LARP4: variants seen among roughly 807,000 people sequenced by gnomAD.
The protein encoded by LARP4 is La ribonucleoprotein 4, also known as la-related protein 4.
A neutral mutation model predicts 92.9 loss-of-function variants in LARP4; 29 were observed. The ratio of observed to expected loss-of-function variants is 0.31; its 90% confidence interval spans 0.23 to 0.43. The LOEUF is 0.43. LARP4 is among the 20% of genes least tolerant of loss of function. LARP4 has a pLI of 1.00. For synonymous variants in LARP4, 279 were observed against 284.1 expected, an observed-to-expected ratio of 0.98 and a Z score of 0.18; for missense variants, 732 against 860.0, an observed-to-expected ratio of 0.85 and a Z score of 1.86.
At chr12:50,467,144 T>C (rs1956249367) in intron 13 of LARP4, 24 bp downstream of exon 13, 2 of 1,565,244 alleles carry the variant, frequency 1.3e-6, no homozygotes. Flanking sequence ...ATCTGAGTCT[T>C]ACCTTATGAG....
At chr12:50,435,389 A>C (rs1341893230) in intron 4 of LARP4, 99 bp from the exon 5 acceptor site, 9 of 721,012 alleles carry the variant, frequency 1.2e-5, no homozygotes, top group Non-Finnish European at 1.9e-5. Context: ...GAATAATCTT[A>C]TTTCCATGCA....
At position 50,477,543 on chromosome 12, in the gene LARP4, C is replaced by T. The variant is rs997986986; in HGVS notation, c.*1679C>T. ...AAAATTACATTACTGTGAAATTCAT[C>T]TTCCAACTCTAAGTTAAGCTTTGGA... On this transcript the variant is annotated 3_prime_UTR_variant, in exon 16 of 16. Transcript: ENST00000398473. 2.6e-5 allele frequency: 4 copies of T among 152,534 alleles called. No individual in the cohort carries two copies. Among genetic ancestry groups the T allele is most frequent in the African/African-American group, 9.7e-5 (4 of 41,450 alleles). 9.4% of individuals were successfully genotyped at this position (152,534 alleles called of 1,614,324 possible). A position where few individuals can be genotyped will look rare whatever the true frequency, so the allele number is the denominator to read the frequency against.
intron 8 of LARP4, among the ~76,000 whole-genome samples, chr12:50,447,944 GGCAACCTCT>G (rs1310020230): frequency 6.6e-6 from 1 of 151,912 alleles, no homozygotes; most frequent in African/African-American, 2.4e-5. Context: ...CTCAGCACAT[GGCAACCTCT>G]GCCTCCCAGG....
At chr12:50,464,490 C>T (rs1955878901) in intron 12 of LARP4, among the ~76,000 whole-genome samples, 1 of 152,228 alleles carries the variant, frequency 6.6e-6, no homozygotes, top group Non-Finnish European at 1.5e-5. Flanking sequence ...CTCCCGGGTT[C>T]AAGCAGTTCT....
chr12:50,460,843 T>C (rs964615104), intron 10 of LARP4, among the ~76,000 whole-genome samples: 3 of 152,106 alleles, frequency 2.0e-5, no homozygotes, highest in Non-Finnish European at 4.4e-5. Context: ...CTTGGGAGGC[T>C]GAGGCAGGAG....
At chr12:50,465,739 T>C (rs959049682) in intron 12 of LARP4, among the ~76,000 whole-genome samples, 12 of 152,214 alleles carry the variant, frequency 7.9e-5, no homozygotes, top group African/African-American at 1.2e-4. Context: ...ACAAATGTTA[T>C]CTCGGTTGTA....
At chr12:50,417,300 A>G (rs769879973) in intron 1 of LARP4, among the ~76,000 whole-genome samples, 3 of 151,616 alleles carry the variant, frequency 2.0e-5, no homozygotes, top group Middle Eastern at 3.4e-3. Context: ...GCTTGAACCC[A>G]GGAGACAGAG....
intron 1 of LARP4, among the ~76,000 whole-genome samples, chr12:50,401,665 A>C (rs1382108736): frequency 6.6e-6 from 1 of 152,140 alleles, no homozygotes; most frequent in East Asian, 1.9e-4. Context: ...AAAGTTACTC[A>C]AGCAGCAGCT....
At chr12:50,410,479 C>T (rs1177307778) in intron 1 of LARP4, among the ~76,000 whole-genome samples, 1 of 150,354 alleles carries the variant, frequency 6.7e-6, no homozygotes, top group Non-Finnish European at 1.5e-5. Flanking sequence ...AATCTCTGCT[C>T]ACTGCAGTCA....
intron 8 of LARP4, among the ~76,000 whole-genome samples, chr12:50,451,889 A>C (rs1953263196): frequency 6.6e-6 from 1 of 152,100 alleles, no homozygotes; most frequent in African/African-American, 2.4e-5. Context: ...CTCTAATCCC[A>C]GCTACTCAGG....
intron 1 of LARP4, chr12:50,420,891 T>TAAATCTAA (rs1451759946): frequency 6.7e-6 from 1 of 150,200 alleles, no homozygotes; most frequent in Non-Finnish European, 1.5e-5. Flanking sequence ...TTGACAGGTA[T>TAAATCTAA]AAATCTAAAA....
intron 1 of LARP4, among the ~76,000 whole-genome samples, chr12:50,427,148 C>G (rs967774549): frequency 6.6e-6 from 1 of 152,094 alleles, no homozygotes; most frequent in Non-Finnish European, 1.5e-5. Flanking sequence ...CACATCACTG[C>G]TTTTATCTTG....
rs12311713 is a variant in LARP4 at position 50,472,556 on chromosome 12, G to C, written c.1546-859G>C. Among the ~76,000 whole-genome samples the C allele has an allele frequency of 3.1e-3, 470 of 149,636 alleles. 3 individuals are homozygous for C. The highest frequency in any genetic ancestry group is 9.0e-3 in the African/African-American group (364 of 40,518). ...TTTTTTTGAGACACGGTCTTGCTCT[G>C]TTCCCAGGAGGGAGTGCCGTGGTAC... On this transcript the variant is annotated intron_variant, in intron 13 of 15. Transcript: ENST00000398473.
intron 1 of LARP4, chr12:50,402,797 C>T (rs1432263284): frequency 2.2e-6 from 1 of 455,430 alleles, no homozygotes; most frequent in Non-Finnish European, 4.4e-6. Flanking sequence ...GCAATTCAGG[C>T]CTGTCCGACT....
chr12:50,426,674 TTA>T (rs1948747002), intron 1 of LARP4, among the ~76,000 whole-genome samples: 1 of 144,268 alleles, frequency 6.9e-6, no homozygotes, highest in South Asian at 2.3e-4. Flanking sequence ...GAACAGGGCA[TTA>T]TGTTTGGGGT....
intron 4 of LARP4, among the ~76,000 whole-genome samples, chr12:50,433,107 T>G (rs984238819): frequency 2.0e-5 from 3 of 152,006 alleles, no homozygotes; most frequent in Non-Finnish European, 4.4e-5. Context: ...ACTTACCACA[T>G]ACTTATACAC....
intron 8 of LARP4, among the ~76,000 whole-genome samples, chr12:50,444,798 C>T (rs745914288): frequency 6.6e-6 from 1 of 152,180 alleles, no homozygotes; most frequent in Non-Finnish European, 1.5e-5. Flanking sequence ...ATTTCTATGC[C>T]TGAAAATAAC....
intron 12 of LARP4, 76 bp from the exon 13 acceptor site, chr12:50,466,883 C>A: frequency 1.4e-6 from 2 of 1,380,090 alleles, no homozygotes; most frequent in South Asian, 1.4e-5. Flanking sequence ...TCTTTTCTTG[C>A]ACCTTTCAGC....
At chr12:50,419,159 A>G (rs1947330053) in intron 1 of LARP4, among the ~76,000 whole-genome samples, 2 of 152,014 alleles carry the variant, frequency 1.3e-5, no homozygotes, top group South Asian at 2.1e-4. Context: ...CCAGGCATTC[A>G]AGACCAGCCT....
Sources: allele counts gnomAD v4.1 joint callset (sites outside exome capture counted in the v4.1 genomes callset), GRCh38; gene constraint gnomAD v4.1.1; transcripts MANE v1.5; gene names NCBI Gene and HGNC (gene_info 2026-07-23, HGNC 2026-07-21).